The following GAN variants were observed in gnomAD, a reference collection of about 807,000 sequenced individuals.
The protein encoded by GAN is epididymis secretory sperm binding protein.
GAN carries 48 observed loss-of-function variants against 71.3 expected under a neutral mutation model. The observed-to-expected ratio is 0.67, with a 90% CI of 0.53 to 0.86. The LOEUF (loss-of-function observed/expected upper bound fraction) is 0.86. Among genes scored for constraint, GAN ranks in the 40% least tolerant of loss-of-function variants. The probability of loss-of-function intolerance (pLI) is 0.00; values close to 1 mark genes in which losing one functional copy is unlikely to be tolerated. For missense variants in GAN, 928 were observed against 770.1 expected (o/e 1.21, Z -2.43); for synonymous variants, 386 against 276.8 (o/e 1.39, Z -3.92).
At chr16:81,341,965 G>A (rs9673346) in intron 1 of GAN, among the ~76,000 whole-genome samples, 121,119 of 152,086 alleles carry the variant, frequency 0.8, 48,587 homozygotes, top group East Asian at 0.95. Flanking sequence ...GAAAGCAGAA[G>A]AAGCAGGGGT....
At chr16:81,362,650 C>G (rs1416788483) in intron 6 of GAN, 39 bp downstream of exon 6, 3 of 1,043,630 alleles carry the variant, frequency 2.9e-6, no homozygotes, top group Non-Finnish European at 3.0e-6. Flanking sequence ...ATGTGTTTCT[C>G]TTTCCCCTTA....
In GAN at chr16:81,363,832, G is replaced by C. The variant is rs1213252236; in HGVS notation, c.1125G>C (p.Met375Ile). 1.2e-6 allele frequency: 2 copies of C among 1,612,976 alleles called. No homozygotes were observed. The highest frequency in any genetic ancestry group is 2.7e-5 in the African/African-American group (2 of 74,912). The change falls in exon 7 of 11, where the codon ATG becomes ATC. Residue 375 changes from methionine (M) to isoleucine (I), a missense_variant. Coordinates refer to ENST00000648994, the MANE Select transcript of GAN (RefSeq NM_022041.4). ...TCGGAATTGTGGAGATAGATGGGATGCTGTACATTTTGGGAGGAGAGGATG... is the reference window on the plus strand; with the variant it reads ...TCGGAATTGTGGAGATAGATGGGATCCTGTACATTTTGGGAGGAGAGGATG... The part of the protein sequence containing the change: ...HNFGIVEIDG[M>I]LYILGGEDGE...
intron 1 of GAN, among the ~76,000 whole-genome samples, chr16:81,331,666 A>T (rs1339381627): frequency 2.0e-5 from 3 of 152,046 alleles, no homozygotes; most frequent in Admixed American, 2.0e-4. Context: ...CCTCATACAC[A>T]TGGCTGCACC....
rs1219023694 is a variant in GAN, at chr16:81,339,704, T to C, written c.168-11879T>C. Among the ~76,000 whole-genome samples, 6 of 152,188 alleles carry C rather than the reference T, an allele frequency of 3.9e-5. No individual in the cohort carries two copies. The East Asian group carries it at 1.2e-3, about 29-fold the overall frequency. On this transcript the variant is annotated intron_variant, in intron 1 of 10. Transcript: ENST00000648994. ...GAATCTATTTTTACCTACAAAGAGGTAAGGGCGGAGGTGCAGCTTGTGGCA... is the reference window on the plus strand; with the variant it reads ...GAATCTATTTTTACCTACAAAGAGGCAAGGGCGGAGGTGCAGCTTGTGGCA...
chr16:81,359,790 T>G (rs776201163), intron 5 of GAN, among the ~76,000 whole-genome samples: 9 of 152,186 alleles, frequency 5.9e-5, no homozygotes, highest in Admixed American at 4.6e-4. Context: ...CATGATAAAG[T>G]TTAAGTTCAG....
At chr16:81,362,644 G>A in intron 6 of GAN, 33 bp downstream of exon 6, 1 of 1,083,566 alleles carries the variant, frequency 9.2e-7, no homozygotes, top group South Asian at 1.2e-5. Context: ...TGTTTGATGT[G>A]TTTCTCTTTC....
chr16:81,356,219 T>C (rs1567492172), intron 3 of GAN, among the ~76,000 whole-genome samples: 1 of 145,188 alleles, frequency 6.9e-6, no homozygotes, highest in Non-Finnish European at 1.5e-5. Context: ...TCAGTTCAAA[T>C]TTAGTGATTG....
At chr16:81,348,284 C>T (rs1316833115) in intron 1 of GAN, among the ~76,000 whole-genome samples, 2 of 152,078 alleles carry the variant, frequency 1.3e-5, no homozygotes, top group South Asian at 2.1e-4. Context: ...TTTATGTCAT[C>T]GTACTCTTGT....
intron 1 of GAN, among the ~76,000 whole-genome samples, chr16:81,345,011 A>C (rs1028346913): frequency 3.3e-5 from 5 of 152,236 alleles, no homozygotes; most frequent in African/African-American, 7.2e-5. Context: ...TGCTCATCAT[A>C]ACTGGCCATT....
In GAN at chr16:81,390,738, A is replaced by G. The variant is rs548399306; in HGVS notation, c.*13142A>G. 1.3e-5 allele frequency: 2 copies of G among 152,228 alleles called. No homozygotes were observed. Among genetic ancestry groups the G allele is most frequent in the South Asian group, 2.1e-4 (1 of 4,834 alleles). 9.4% of individuals were successfully genotyped at this position (152,228 alleles called of 1,614,324 possible). ...TTAAAAACTTGAAATATTTTCTAGAAGGGTACCACACAAAAGGAATCATCT... is the reference window on the plus strand; with the variant it reads ...TTAAAAACTTGAAATATTTTCTAGAGGGGTACCACACAAAAGGAATCATCT... On this transcript the variant is annotated 3_prime_UTR_variant, in exon 11 of 11. Coordinates refer to ENST00000648994, the MANE Select transcript of GAN (RefSeq NM_022041.4).
intron 1 of GAN, among the ~76,000 whole-genome samples, chr16:81,332,161 C>CCAA (rs1555509384): frequency 4.9e-5 from 3 of 60,676 alleles, no homozygotes; most frequent in African/African-American, 7.4e-5. Context: ...AAATCTGTCT[C>CCAA]AAAAAAAAAA....
At position 81,389,024 on chromosome 16, in the gene GAN, C is replaced by T. The variant is rs961968201; in HGVS notation, c.*11428C>T. 2 of 152,180 alleles carry T rather than the reference C, an allele frequency of 1.3e-5. No homozygotes were observed. The highest frequency in any genetic ancestry group is 4.8e-5 in the African/African-American group (2 of 41,436). 9.4% of individuals were successfully genotyped at this position (152,180 alleles called of 1,614,324 possible). On this transcript the variant is annotated 3_prime_UTR_variant, in exon 11 of 11. Coordinates refer to ENST00000648994, the MANE Select transcript of GAN (RefSeq NM_022041.4). ...CATGGGGCGGGCAAAAGGGTATCATCAGCTTAAGAAGTAAAGAAGTGAGCC... is the reference window on the plus strand; with the variant it reads ...CATGGGGCGGGCAAAAGGGTATCATTAGCTTAAGAAGTAAAGAAGTGAGCC...
chr16:81,379,477 A>T lies in GAN; in HGVS notation c.*1881A>T, dbSNP rs368911388. 1.3e-5 allele frequency: 2 copies of T among 152,324 alleles called. No homozygotes were observed. Among genetic ancestry groups the T allele is most frequent in the East Asian group, 3.9e-4 (2 of 5,194 alleles). 9.4% of individuals were successfully genotyped at this position (152,324 alleles called of 1,614,324 possible). ...AATCATGTTTAATATGTCAGTCAAA[A>T]CCAAATTCAGAATTGTTTTGTGTAC... On this transcript the variant is annotated 3_prime_UTR_variant, in exon 11 of 11. Transcript: ENST00000648994.
At chr16:81,342,855 G>A (rs1341043498) in intron 1 of GAN, among the ~76,000 whole-genome samples, 1 of 152,152 alleles carries the variant, frequency 6.6e-6, no homozygotes, top group Non-Finnish European at 1.5e-5. Context: ...TTTTTGAAAA[G>A]ATCAGCAAAA....
In GAN at chr16:81,377,597, G is replaced by C. The variant is rs745360991; in HGVS notation, c.*1G>C. On this transcript the variant is annotated 3_prime_UTR_variant, in exon 11 of 11. Coordinates refer to ENST00000648994, the MANE Select transcript of GAN (RefSeq NM_022041.4). The stretch of plus-strand genomic sequence containing the variant: ...CCGTATTCGTGTTCATTCCCCTTGA[G>C]GAGGAAGCAGAGCAGAGTGCGAGAT... 7 of 1,613,552 alleles carry C rather than the reference G, an allele frequency of 4.3e-6. No homozygotes were observed. The East Asian group carries it at 1.6e-4, about 36-fold the overall frequency.
chr16:81,347,515 A>G (rs2150681544), intron 1 of GAN, among the ~76,000 whole-genome samples: 1 of 152,144 alleles, frequency 6.6e-6, no homozygotes, highest in African/African-American at 2.4e-5. Context: ...AGAATCTTCC[A>G]CTTTCTTGAT....
chr16:81,335,671 C>G (rs913642671), intron 1 of GAN, among the ~76,000 whole-genome samples: 1 of 140,512 alleles, frequency 7.1e-6, no homozygotes, highest in African/African-American at 2.7e-5. Flanking sequence ...CGCTTGAACT[C>G]GGGAGGCGGA....
intron 10 of GAN, 22 bp downstream of exon 10, chr16:81,377,350 T>C (rs1904284931): frequency 1.9e-6 from 3 of 1,587,824 alleles, no homozygotes; most frequent in Non-Finnish European, 2.6e-6. Flanking sequence ...ACAGTGATTT[T>C]CTTGGAACTG....
intron 9 of GAN, among the ~76,000 whole-genome samples, chr16:81,375,597 A>T (rs1250231694): frequency 6.6e-6 from 1 of 151,952 alleles, no homozygotes; most frequent in Non-Finnish European, 1.5e-5. Flanking sequence ...AAGTATTGGG[A>T]TTGCAGACTT....
Sources: allele counts gnomAD v4.1 joint callset (sites outside exome capture counted in the v4.1 genomes callset), GRCh38; gene constraint gnomAD v4.1.1; transcripts MANE v1.5; gene names NCBI Gene and HGNC (gene_info 2026-07-23, HGNC 2026-07-21).